RBFOX1: variants seen among roughly 807,000 people sequenced by gnomAD.
RBFOX1 encodes the protein RNA binding fox-1 homolog 1, also known as RNA binding protein fox-1 homolog 1.
A neutral mutation model predicts 57.7 loss-of-function variants in RBFOX1; 8 were observed. That is an observed-to-expected ratio of 0.14 (90% confidence interval 0.08 to 0.25). The LOEUF is 0.25. Among genes scored for constraint, RBFOX1 ranks in the 10% least tolerant of loss-of-function variants. The probability of loss-of-function intolerance (pLI) is 1.00; values close to 1 mark genes in which losing one functional copy is unlikely to be tolerated. For synonymous variants in RBFOX1, 326 were observed against 222.4 expected (o/e 1.47, Z -4.15); for missense variants, 611 against 548.5 (o/e 1.11, Z -1.14).
intron 3 of RBFOX1, among the ~76,000 whole-genome samples, chr16:6,701,328 G>C (rs897870992): frequency 5.9e-5 from 9 of 152,198 alleles, no homozygotes; most frequent in African/African-American, 2.2e-4. Context: ...CCCTGCAGCT[G>C]GGTACGGGTA....
At chr16:5,521,524 A>AT (rs1555456219) in intron 2 of RBFOX1, among the ~76,000 whole-genome samples, 3 of 152,064 alleles carry the variant, frequency 2.0e-5, no homozygotes, top group Non-Finnish European at 4.4e-5. Context: ...CTATCTGTAA[A>AT]CTATTGCCTT....
intron 4 of RBFOX1, among the ~76,000 whole-genome samples, chr16:7,199,417 A>G (rs1303815160): frequency 6.6e-6 from 1 of 152,188 alleles, no homozygotes. Context: ...GCCCTGAATC[A>G]TGCACTTCAA....
At chr16:6,234,746 C>G (rs773364915) in intron 1 of RBFOX1, among the ~76,000 whole-genome samples, 2 of 152,034 alleles carry the variant, frequency 1.3e-5, no homozygotes, top group Non-Finnish European at 2.9e-5. Flanking sequence ...AGTTCTGCAT[C>G]TTGATTTTGG....
chr16:6,129,399 T>C (rs2096613301), intron 1 of RBFOX1, among the ~76,000 whole-genome samples: 1 of 151,986 alleles, frequency 6.6e-6, no homozygotes, highest in African/African-American at 2.4e-5. Context: ...ACTTGAACAG[T>C]TTAACAGTAG....
chr16:6,544,130 G>A (rs1288909648), intron 2 of RBFOX1, among the ~76,000 whole-genome samples: 3 of 152,160 alleles, frequency 2.0e-5, no homozygotes, highest in Non-Finnish European at 4.4e-5. Flanking sequence ...TGCATCCCCA[G>A]CACCAGTAGA....
chr16:5,403,795 C>G (rs933727542), intron 1 of RBFOX1, among the ~76,000 whole-genome samples: 1 of 152,180 alleles, frequency 6.6e-6, no homozygotes, highest in African/African-American at 2.4e-5. Context: ...AAAATCCCCA[C>G]TGCTCTATTC....
intron 2 of RBFOX1, among the ~76,000 whole-genome samples, chr16:6,551,823 C>T (rs1222322059): frequency 6.6e-6 from 1 of 152,216 alleles, no homozygotes; most frequent in Non-Finnish European, 1.5e-5. Flanking sequence ...CCAATTACAT[C>T]TCACATTCTG....
intron 3 of RBFOX1, among the ~76,000 whole-genome samples, chr16:5,655,008 G>A (rs1329905399): frequency 6.6e-6 from 1 of 152,114 alleles, no homozygotes; most frequent in African/African-American, 2.4e-5. Flanking sequence ...TGCACACTGG[G>A]TCCAGCCTAC....
intron 3 of RBFOX1, among the ~76,000 whole-genome samples, chr16:6,845,567 G>T (rs147798937): frequency 3.9e-5 from 6 of 152,254 alleles, no homozygotes; most frequent in African/African-American, 1.2e-4. Flanking sequence ...GTGCCATGCT[G>T]TTTTGGTTAT....
At chr16:5,315,723 T>C (rs2064218803) in intron 1 of RBFOX1, among the ~76,000 whole-genome samples, 1 of 152,172 alleles carries the variant, frequency 6.6e-6, no homozygotes, top group Admixed American at 6.5e-5. Flanking sequence ...AGGAAGGTCA[T>C]TATGGGAGTC....
At chr16:6,403,558 C>A (rs922869694) in intron 2 of RBFOX1, among the ~76,000 whole-genome samples, 1 of 152,070 alleles carries the variant, frequency 6.6e-6, no homozygotes, top group Admixed American at 6.6e-5. Flanking sequence ...GAGATGTGGT[C>A]TCACTATGCT....
intron 1 of RBFOX1, among the ~76,000 whole-genome samples, chr16:6,118,841 C>T (rs4786820): frequency 0.31 from 47,222 of 150,930 alleles, 9,193 homozygotes; most frequent in Non-Finnish European, 0.44. Flanking sequence ...TCTCTCTTTC[C>T]CCATCTTCTT....
chr16:7,389,234 C>A (rs576208785), intron 4 of RBFOX1, among the ~76,000 whole-genome samples: 1 of 152,110 alleles, frequency 6.6e-6, no homozygotes, highest in African/African-American at 2.4e-5. Flanking sequence ...TTAGATGATC[C>A]TGTACCTCAG....
intron 1 of RBFOX1, among the ~76,000 whole-genome samples, chr16:6,032,109 G>A (rs533389804): frequency 3.3e-5 from 5 of 151,860 alleles, no homozygotes; most frequent in Admixed American, 2.0e-4. Flanking sequence ...CTTTCTTAAA[G>A]GTTCTGTTTT....
chr16:7,490,242 A>G (rs1035326884), intron 4 of RBFOX1, among the ~76,000 whole-genome samples: 1 of 152,168 alleles, frequency 6.6e-6, no homozygotes, highest in Non-Finnish European at 1.5e-5. Context: ...AAAGAATGAC[A>G]CTTTGTCTCT....
At chr16:7,098,617 T>C (rs556702519) in intron 4 of RBFOX1, among the ~76,000 whole-genome samples, 17 of 152,262 alleles carry the variant, frequency 1.1e-4, no homozygotes, top group African/African-American at 4.1e-4. Flanking sequence ...GGAAATTCAT[T>C]GGTTTCTTAT....
chr16:7,231,837 A>G (rs767793531), intron 4 of RBFOX1, among the ~76,000 whole-genome samples: 3 of 152,222 alleles, frequency 2.0e-5, no homozygotes, highest in African/African-American at 7.2e-5. Flanking sequence ...TTCACCTGAA[A>G]TATCTGGAGT....
At chr16:6,779,819 TTATATATATTTTTATATATTTATA>T (rs2080121813) in intron 3 of RBFOX1, among the ~76,000 whole-genome samples, 3 of 32,184 alleles carry the variant, frequency 9.3e-5, no homozygotes, top group African/African-American at 4.3e-4. Flanking sequence ...ATATATATAT[TTATATATATTTTTATATATTTATA>T]TATATATTTA....
At chr16:7,576,349 T>G (rs1039944098) in intron 5 of RBFOX1, among the ~76,000 whole-genome samples, 8 of 152,218 alleles carry the variant, frequency 5.3e-5, no homozygotes, top group African/African-American at 1.9e-4. Flanking sequence ...TTCATTGTGC[T>G]GCATCCCACC....
Sources: allele counts gnomAD v4.1 joint callset (sites outside exome capture counted in the v4.1 genomes callset), GRCh38; gene constraint gnomAD v4.1.1; transcripts MANE v1.5; gene names NCBI Gene and HGNC (gene_info 2026-07-23, HGNC 2026-07-21).